The following TTC29 variants were observed in gnomAD, a reference collection of about 807,000 sequenced individuals.
TTC29 encodes tetratricopeptide repeat protein 29.
TTC29 carries 49 observed loss-of-function variants against 58.1 expected under a neutral mutation model. The ratio of observed to expected loss-of-function variants is 0.84; its 90% CI spans 0.67 to 1.07. The LOEUF (loss-of-function observed/expected upper bound fraction) is 1.07. Ranked by LOEUF, TTC29 falls within the 50% of genes least tolerant of loss-of-function variation. The probability of loss-of-function intolerance (pLI) is 0.00; values close to 1 mark genes in which losing one functional copy is unlikely to be tolerated. For missense variants in TTC29, 582 were observed against 555.6 expected, an observed-to-expected ratio of 1.05 and a Z score of -0.48; for synonymous variants, 209 against 196.8, an observed-to-expected ratio of 1.06 and a Z score of -0.52.
chr4:146,737,597 G>C (rs978300471), intron 11 of TTC29, among the ~76,000 whole-genome samples: 8 of 150,178 alleles, frequency 5.3e-5, no homozygotes, highest in African/African-American at 7.3e-5. Flanking sequence ...CCCTGGGGGG[G>C]GGGGGGCTAC....
At chr4:146,882,060 G>C (rs1221661452) in intron 6 of TTC29, among the ~76,000 whole-genome samples, 3 of 152,124 alleles carry the variant, frequency 2.0e-5, no homozygotes, top group Non-Finnish European at 4.4e-5. Context: ...AGAATCCCAT[G>C]TAGACAGGTT....
intron 10 of TTC29, among the ~76,000 whole-genome samples, chr4:146,810,747 C>T (rs573058738): frequency 2.2e-4 from 33 of 151,964 alleles, no homozygotes; most frequent in Non-Finnish European, 3.5e-4. Flanking sequence ...TATGCCACCA[C>T]GCTCAGTTAA....
chr4:146,841,145 T>TA (rs1009563371), intron 8 of TTC29, among the ~76,000 whole-genome samples: 1 of 152,158 alleles, frequency 6.6e-6, no homozygotes, highest in African/African-American at 2.4e-5. Flanking sequence ...TGCAGGACTT[T>TA]AAAAAAATTC....
chr4:146,753,314 C>T (rs1746167228), intron 11 of TTC29, among the ~76,000 whole-genome samples: 2 of 152,214 alleles, frequency 1.3e-5, no homozygotes, highest in Non-Finnish European at 2.9e-5. Flanking sequence ...CTCATCATCA[C>T]TGGCCATCAG....
intron 11 of TTC29, among the ~76,000 whole-genome samples, chr4:146,742,874 A>C (rs1362990032): frequency 6.6e-6 from 1 of 152,020 alleles, no homozygotes; most frequent in Non-Finnish European, 1.5e-5. Flanking sequence ...TATGTATATA[A>C]AACATTTAAA....
intron 11 of TTC29, among the ~76,000 whole-genome samples, chr4:146,725,543 A>G (rs1481644909): frequency 2.0e-5 from 3 of 152,180 alleles, no homozygotes; most frequent in African/African-American, 7.2e-5. Context: ...TTTCAAAAAA[A>G]CAGTTACTGG....
chr4:146,833,813 G>A lies in TTC29; in HGVS notation c.970C>T (p.Leu324=). The part of the protein sequence containing the change: ...GRGYEAIAKV[L]QSQGEMTEAI... ...GAGAATGTGCTAACTTACCTCTGCA[G>A]GACCTTGGCTATGGCTTCATAGCCT... The change falls in exon 9 of 13, where the codon CTG becomes TTG. Residue 324 remains leucine, a synonymous_variant. Coordinates refer to ENST00000325106, the MANE Select transcript of TTC29 (RefSeq NM_031956.4). 2 of 1,612,762 alleles carry A rather than the reference G, an allele frequency of 1.2e-6. No individual in the cohort carries two copies. Among genetic ancestry groups the A allele is most frequent in the African/African-American group, 1.3e-5 (1 of 75,004 alleles).
intron 11 of TTC29, among the ~76,000 whole-genome samples, chr4:146,725,264 T>A (rs1464553859): frequency 6.6e-6 from 1 of 152,192 alleles, no homozygotes; most frequent in Non-Finnish European, 1.5e-5. Context: ...GCCAGACTGG[T>A]AGATCACACC....
At chr4:146,719,129 G>A (rs1243507930) in intron 11 of TTC29, among the ~76,000 whole-genome samples, 1 of 151,614 alleles carries the variant, frequency 6.6e-6, no homozygotes, top group Non-Finnish European at 1.5e-5. Flanking sequence ...ATATTTTGAA[G>A]TCAGGTAGTG....
At position 146,820,145 on chromosome 4, in the gene TTC29, C is replaced by T. The variant is rs1451815862; in HGVS notation, c.1081G>A (p.Gly361Arg). ...CTCACTTTTTCATTGTAGATGTCCC[C>T]AAGCATTGTACTTGCTCTCACCAAA... ...LDLVRASTMLGDIYNEKGYYN... is the reference protein window; with the variant it reads ...LDLVRASTMLRDIYNEKGYYN... Residue 361 changes from glycine to arginine, a missense_variant, in exon 10 of 13, where the codon GGG becomes AGG. Coordinates refer to ENST00000325106, the MANE Select transcript of TTC29 (RefSeq NM_031956.4). 3.1e-6 allele frequency: 5 copies of T among 1,613,120 alleles called. No individual in the cohort carries two copies.
intron 11 of TTC29, among the ~76,000 whole-genome samples, chr4:146,761,308 C>T (rs1746880158): frequency 6.6e-6 from 1 of 151,854 alleles, no homozygotes. Flanking sequence ...CTACGTAGGT[C>T]TTTTTATCTT....
chr4:146,827,815 A>C (rs1460321624), intron 9 of TTC29, among the ~76,000 whole-genome samples: 2 of 152,056 alleles, frequency 1.3e-5, no homozygotes, highest in Admixed American at 1.3e-4. Context: ...GTCTACCACA[A>C]GCCAAGAGGC....
intron 6 of TTC29, among the ~76,000 whole-genome samples, chr4:146,900,265 T>C (rs1379141584): frequency 6.6e-6 from 1 of 152,214 alleles, no homozygotes; most frequent in African/African-American, 2.4e-5. Context: ...TTTAAGGGCA[T>C]AGAAAAATAT....
chr4:146,812,491 T>C (rs1751090866), intron 10 of TTC29, among the ~76,000 whole-genome samples: 1 of 152,216 alleles, frequency 6.6e-6, no homozygotes, highest in Admixed American at 6.5e-5. Flanking sequence ...ACTCAAGTTT[T>C]TGAGGTTACT....
intron 6 of TTC29, among the ~76,000 whole-genome samples, chr4:146,886,273 C>T (rs1216108534): frequency 6.6e-6 from 1 of 152,042 alleles, no homozygotes; most frequent in East Asian, 1.9e-4. Context: ...TTACGTCACC[C>T]ACATTTGTTG....
At chr4:146,713,440 G>C (rs970159769) in intron 11 of TTC29, among the ~76,000 whole-genome samples, 1 of 151,674 alleles carries the variant, frequency 6.6e-6, no homozygotes, top group Non-Finnish European at 1.5e-5. Context: ...TGATTTGGGG[G>C]GTAATATTTT....
intron 7 of TTC29, among the ~76,000 whole-genome samples, chr4:146,872,965 T>C (rs543981228): frequency 7.9e-5 from 12 of 152,258 alleles, no homozygotes; most frequent in Non-Finnish European, 1.8e-4. Flanking sequence ...ACAACTCATA[T>C]GTCCATCATA....
At chr4:146,781,727 T>C (rs1402668711) in intron 11 of TTC29, among the ~76,000 whole-genome samples, 2 of 151,980 alleles carry the variant, frequency 1.3e-5, no homozygotes, top group Non-Finnish European at 2.9e-5. Context: ...ACCTCTAGTA[T>C]AGGACTACCA....
intron 11 of TTC29, among the ~76,000 whole-genome samples, chr4:146,787,810 A>G (rs540467859): frequency 6.6e-6 from 1 of 152,062 alleles, no homozygotes; most frequent in Non-Finnish European, 1.5e-5. Flanking sequence ...GTAGGTGGGA[A>G]TGGCTTCTAA....
Sources: gnomAD v4.1 joint callset for allele counts (sites outside exome capture counted in the v4.1 genomes callset) on GRCh38, gnomAD v4.1.1 for gene constraint, MANE v1.5 for transcripts, NCBI Gene and HGNC (gene_info 2026-07-23, HGNC 2026-07-21) for gene names.